NRXN1: variants seen among roughly 807,000 people sequenced by gnomAD.
The protein encoded by NRXN1 is neurexin-1.
Under a neutral mutation model 150.9 loss-of-function variants are expected in NRXN1, and 39 were observed. That is an observed-to-expected ratio of 0.26 (90% CI 0.20 to 0.34). The LOEUF (loss-of-function observed/expected upper bound fraction) is 0.34, where lower values mean the gene tolerates loss of function less well. NRXN1 is among the 10% of genes least tolerant of loss of function. The pLI is 1.00. For synonymous variants in NRXN1, 924 were observed against 757.0 expected, an observed-to-expected ratio of 1.22 and a Z score of -3.62; for missense variants, 1,815 against 1,949.9, an observed-to-expected ratio of 0.93 and a Z score of 1.30.
chr2:49,949,210 T>C (rs1673490863), intron 21 of NRXN1, among the ~76,000 whole-genome samples: 1 of 151,968 alleles, frequency 6.6e-6, no homozygotes, highest in Non-Finnish European at 1.5e-5. Context: ...TACCCAGGGA[T>C]ATTAAAAAGA....
rs190460344 is a variant in NRXN1 at position 50,864,619 on chromosome 2, C to T, written c.832+57250G>A. 2.0e-5 allele frequency among the ~76,000 whole-genome samples: 3 copies of T among 152,112 alleles called. No homozygotes were observed. In the East Asian group the frequency reaches 5.8e-4, roughly 30 times the overall value. On this transcript the variant is annotated intron_variant, in intron 5 of 22. Coordinates refer to ENST00000401669, the MANE Select transcript of NRXN1 (RefSeq NM_001330078.2). The stretch of plus-strand genomic sequence containing the variant: ...GTAGAACCCACAACCCCCCATAATA[C>T]TGCCATATCACAAAAAATATTCATT...
At chr2:50,666,879 A>ATGATGATGATGATG (rs1237981785) in intron 5 of NRXN1, among the ~76,000 whole-genome samples, 2 of 107,818 alleles carry the variant, frequency 1.9e-5, no homozygotes, top group Non-Finnish European at 3.8e-5. Context: ...GATGATGATG[A>ATGATGATGATGATG]TGTGTGTGTG....
chr2:50,804,818 C>A (rs1243945519), intron 5 of NRXN1, among the ~76,000 whole-genome samples: 7 of 152,158 alleles, frequency 4.6e-5, no homozygotes, highest in Non-Finnish European at 1.0e-4. Flanking sequence ...CCTATCAAAA[C>A]CACTTTTCTC....
intron 17 of NRXN1, among the ~76,000 whole-genome samples, chr2:50,394,472 C>T (rs974597618): frequency 3.9e-5 from 6 of 151,944 alleles, no homozygotes; most frequent in East Asian, 1.9e-4. Context: ...ATTTAAATTC[C>T]GCTTTCTTCC....
chr2:50,120,527 A>G lies in NRXN1; in HGVS notation c.3547-29033T>C, dbSNP rs373546107. 8.5e-5 allele frequency among the ~76,000 whole-genome samples: 13 copies of G among 152,330 alleles called. No homozygotes were observed. The South Asian group carries it at 2.7e-3, about 32-fold the overall frequency. ...AAATAATTACTTTTCAAAATAGGCA[A>G]TGTGCTATGCAATGGAGACGCATCT... is the stretch of plus-strand genomic sequence containing the variant. On this transcript the variant is annotated intron_variant, in intron 18 of 22. Transcript: ENST00000401669.
At chr2:50,702,319 G>A (rs188362903) in intron 5 of NRXN1, among the ~76,000 whole-genome samples, 47 of 149,762 alleles carry the variant, frequency 3.1e-4, no homozygotes, top group Non-Finnish European at 4.4e-4. Context: ...GGGGAAAAAC[G>A]TTGCAAAAGA....
chr2:50,093,842 A>G (rs1313637609), intron 18 of NRXN1, among the ~76,000 whole-genome samples: 1 of 152,172 alleles, frequency 6.6e-6, no homozygotes, highest in African/African-American at 2.4e-5. Context: ...CTAAGGTCGC[A>G]CAGCTGGAAA....
chr2:50,820,639 A>G (rs4140859), intron 5 of NRXN1, among the ~76,000 whole-genome samples: 14,054 of 152,180 alleles, frequency 0.092, 759 homozygotes, highest in Admixed American at 0.093. Flanking sequence ...TCTACCCTCC[A>G]TCCAGGTGAC....
chr2:50,538,154 G>C (rs2093307438), intron 10 of NRXN1, 99 bp downstream of exon 10: 13 of 1,332,280 alleles, frequency 9.8e-6, no homozygotes, highest in African/African-American at 2.9e-5. Flanking sequence ...TACTTCAGTA[G>C]AGTATACATT....
chr2:50,269,832 G>A (rs968628555), intron 17 of NRXN1, among the ~76,000 whole-genome samples: 11 of 152,050 alleles, frequency 7.2e-5, no homozygotes, highest in African/African-American at 1.7e-4. Context: ...TTAAAGAGGC[G>A]GAAAGGTCTA....
chr2:50,054,246 G>GA (rs11331484), intron 20 of NRXN1, among the ~76,000 whole-genome samples: 38 of 150,172 alleles, frequency 2.5e-4, no homozygotes, highest in South Asian at 2.1e-3. Context: ...AAAACAAAAT[G>GA]AAAAAAAAAA....
At chr2:50,562,398 T>C (rs1304207772) in intron 8 of NRXN1, among the ~76,000 whole-genome samples, 2 of 152,086 alleles carry the variant, frequency 1.3e-5, no homozygotes, top group Non-Finnish European at 2.9e-5. Flanking sequence ...CTCATTGATC[T>C]GCATTGACAT....
chr2:50,288,473 C>T lies in NRXN1; in HGVS notation c.3365-51503G>A, dbSNP rs143341121. The stretch of plus-strand genomic sequence containing the variant: ...GGGAGATAAAAATGAAGAAAGAATA[C>T]CTTTTGTATTAGTCTATTCTCATGC... On this transcript the variant is annotated intron_variant, in intron 17 of 22. Coordinates refer to ENST00000401669, the MANE Select transcript of NRXN1 (RefSeq NM_001330078.2). Among the ~76,000 whole-genome samples the T allele has an allele frequency of 3.7e-3, 560 of 152,122 alleles. 2 individuals carry two copies. Among genetic ancestry groups the T allele is most frequent in the African/African-American group, 0.013 (522 of 41,508 alleles).
intron 17 of NRXN1, among the ~76,000 whole-genome samples, chr2:50,299,399 G>A (rs1422545631): frequency 6.8e-6 from 1 of 146,084 alleles, no homozygotes; most frequent in Non-Finnish European, 1.5e-5. Flanking sequence ...CTATATCCTG[G>A]TCATTGTCCA....
At chr2:50,612,995 G>A (rs902680482) in intron 8 of NRXN1, among the ~76,000 whole-genome samples, 9 of 152,150 alleles carry the variant, frequency 5.9e-5, no homozygotes, top group Admixed American at 1.3e-4. Flanking sequence ...CAATATTTCC[G>A]AGATCTAGAA....
intron 18 of NRXN1, among the ~76,000 whole-genome samples, chr2:50,189,454 C>T (rs147227341): frequency 0.02 from 2,972 of 152,022 alleles, 80 homozygotes; most frequent in African/African-American, 0.068. Context: ...CCATGGCACA[C>T]GTATACTTAT....
chr2:50,266,758 C>A (rs1270038502), intron 17 of NRXN1, among the ~76,000 whole-genome samples: 1 of 152,002 alleles, frequency 6.6e-6, no homozygotes, highest in Non-Finnish European at 1.5e-5. Context: ...TCTTCCCTGG[C>A]ATTAATGACT....
intron 2 of NRXN1, among the ~76,000 whole-genome samples, chr2:50,963,783 T>A (rs183551049): frequency 1.7e-3 from 252 of 151,788 alleles, no homozygotes; most frequent in African/African-American, 5.8e-3. Context: ...TATATCTTCC[T>A]AAGGAAAGTT....
chr2:50,229,614 T>C (rs1216928551), intron 18 of NRXN1, among the ~76,000 whole-genome samples: 1 of 150,562 alleles, frequency 6.6e-6, no homozygotes, highest in African/African-American at 2.5e-5. Context: ...TTCTTAACCA[T>C]TACTTCTTCT....
Sources: gnomAD v4.1 joint callset for allele counts (sites outside exome capture counted in the v4.1 genomes callset) on GRCh38, gnomAD v4.1.1 for gene constraint, MANE v1.5 for transcripts, NCBI Gene and HGNC (gene_info 2026-07-23, HGNC 2026-07-21) for gene names.